The following CWC27 variants were observed in gnomAD, a reference collection of about 807,000 sequenced individuals.
CWC27 encodes the protein CWC27 spliceosome associated cyclophilin, also known as spliceosome-associated protein CWC27 homolog.
In CWC27, 47 loss-of-function variants were observed where a neutral mutation model predicts 63.6. The ratio of observed to expected loss-of-function variants is 0.74; its 90% CI spans 0.58 to 0.94. The LOEUF (loss-of-function observed/expected upper bound fraction) is 0.94, where lower values mean the gene tolerates loss of function less well. Ranked by LOEUF, CWC27 falls within the 40% of genes least tolerant of loss-of-function variation. The pLI is 0.00. For missense variants in CWC27, 495 were observed against 554.3 expected, an observed-to-expected ratio of 0.89 and a Z score of 1.07; for synonymous variants, 175 against 179.8, an observed-to-expected ratio of 0.97 and a Z score of 0.22.
intron 12 of CWC27, 68 bp from the exon 13 acceptor site, chr5:64,977,067 C>A: frequency 1.1e-6 from 1 of 927,042 alleles, no homozygotes; most frequent in Non-Finnish European, 1.6e-6. Context: ...TTCTACCAAA[C>A]TTAAGCATCT....
chr5:64,821,976 C>T (rs77708604), intron 10 of CWC27, among the ~76,000 whole-genome samples: 2,572 of 152,132 alleles, frequency 0.017, 69 homozygotes, highest in African/African-American at 0.06. Flanking sequence ...GCATGTCTGC[C>T]GGAATTGGTA....
chr5:65,013,260 C>T (rs964588662), intron 13 of CWC27, among the ~76,000 whole-genome samples: 1 of 152,178 alleles, frequency 6.6e-6, no homozygotes, highest in South Asian at 2.1e-4. Context: ...GAGCCTGAGA[C>T]TTTCTGCAGA....
At chr5:64,895,517 A>G (rs536080921) in intron 11 of CWC27, among the ~76,000 whole-genome samples, 1 of 152,284 alleles carries the variant, frequency 6.6e-6, no homozygotes, top group African/African-American at 2.4e-5. Flanking sequence ...TTTCCTGGAG[A>G]ATCCTACTTT....
rs1747045525 is a variant in CWC27 at position 64,885,464 on chromosome 5, A to C, written c.960A>C (p.Ala320=). The C allele has an allele frequency of 6.2e-7, 1 of 1,608,512 alleles. No homozygotes were observed. The highest frequency in any genetic ancestry group is 1.7e-5 in the Admixed American group (1 of 59,340). The part of the protein sequence containing the change: ...VSRSEELRKE[A]RQLKRELLAA... ...ATAGTGAAGAGCTCAGAAAAGAAGC[A>C]AGACAATTAAAACGGGAACTCTTAG... The change falls in exon 11 of 14, where the codon GCA becomes GCC. Residue 320 remains alanine (A), a synonymous_variant. Transcript: ENST00000381070.
At chr5:64,806,146 T>C (rs893411031) in intron 10 of CWC27, among the ~76,000 whole-genome samples, 1 of 136,510 alleles carries the variant, frequency 7.3e-6, no homozygotes, top group Admixed American at 6.9e-5. Flanking sequence ...TAGGAACATA[T>C]ATATCCACTT....
At chr5:64,825,501 A>G (rs902560875) in intron 10 of CWC27, among the ~76,000 whole-genome samples, 1 of 152,172 alleles carries the variant, frequency 6.6e-6, no homozygotes, top group Non-Finnish European at 1.5e-5. Context: ...GCTTGAAATC[A>G]TGTAGTTCTC....
At position 64,954,292 on chromosome 5, in the gene CWC27, CTTTG is replaced by C. The variant is rs1748763695; in HGVS notation, c.1043-17403_1043-17400del. Among the ~76,000 whole-genome samples the C allele has an allele frequency of 2.6e-5, 4 of 152,018 alleles. No individual in the cohort carries two copies. The South Asian group carries it at 8.3e-4, about 32-fold the overall frequency. ...CAACTACTTCCCTGATTTATTGTTC[CTTTG>C]TTTGTTTTTTGAGACAGGGTCTTGC... On this transcript the variant is annotated intron_variant, in intron 11 of 13. Coordinates refer to ENST00000381070, the MANE Select transcript of CWC27 (RefSeq NM_005869.4).
At chr5:64,800,473 A>G (rs1402267598) in intron 8 of CWC27, 146 bp downstream of exon 8, 2 of 557,140 alleles carry the variant, frequency 3.6e-6, no homozygotes, top group Non-Finnish European at 6.3e-6. Context: ...TAACAGAGAT[A>G]GAGAACTTCA....
chr5:64,935,127 T>G (rs1017992415), intron 11 of CWC27, among the ~76,000 whole-genome samples: 6 of 152,242 alleles, frequency 3.9e-5, no homozygotes, highest in African/African-American at 1.4e-4. Flanking sequence ...ATTTGTCAAT[T>G]TTGGCTTTCG....
At chr5:64,873,155 T>A (rs1166724773) in intron 10 of CWC27, among the ~76,000 whole-genome samples, 1 of 152,164 alleles carries the variant, frequency 6.6e-6, no homozygotes, top group Non-Finnish European at 1.5e-5. Flanking sequence ...ACAAAAGGAA[T>A]GCATAAGCTT....
At chr5:65,001,215 G>A (rs1749726454) in intron 13 of CWC27, among the ~76,000 whole-genome samples, 1 of 152,002 alleles carries the variant, frequency 6.6e-6, no homozygotes, top group Non-Finnish European at 1.5e-5. Flanking sequence ...CTCTAAAAGT[G>A]TTTTGTGGAG....
intron 11 of CWC27, among the ~76,000 whole-genome samples, chr5:64,960,280 G>T (rs1420142818): frequency 6.6e-6 from 1 of 151,604 alleles, no homozygotes; most frequent in Non-Finnish European, 1.5e-5. Flanking sequence ...TTTAGAGCCA[G>T]ACTACATAGG....
chr5:64,863,589 G>C (rs1321190555), intron 10 of CWC27, among the ~76,000 whole-genome samples: 1 of 151,924 alleles, frequency 6.6e-6, no homozygotes, highest in Non-Finnish European at 1.5e-5. Context: ...TGAACTCCTG[G>C]GCTCAAGTGA....
rs887836410 is a variant in CWC27, at chr5:65,018,409, G to A, written c.*88G>A. ...TTGTTCCCAACAGCATCACTTAGGG[G>A]TGTGAAAAGAAGTATTTTTGAACCT... is the stretch of plus-strand genomic sequence containing the variant. On this transcript the variant is annotated 3_prime_UTR_variant, in exon 14 of 14. Coordinates refer to ENST00000381070, the MANE Select transcript of CWC27 (RefSeq NM_005869.4). The A allele has an allele frequency of 1.5e-5, 17 of 1,140,942 alleles. No homozygotes were observed. The highest frequency in any genetic ancestry group is 2.1e-5 in the Non-Finnish European group (17 of 828,642). 70.7% of individuals were successfully genotyped at this position (1,140,942 alleles called of 1,614,324 possible). A position where few individuals can be genotyped will look rare whatever the true frequency, so the allele number is the denominator to read the frequency against.
At chr5:64,921,996 C>T (rs1448310161) in intron 11 of CWC27, among the ~76,000 whole-genome samples, 4 of 152,222 alleles carry the variant, frequency 2.6e-5, no homozygotes, top group South Asian at 2.1e-4. Flanking sequence ...CCAGTCACTT[C>T]TGGCCTGTAA....
intron 10 of CWC27, among the ~76,000 whole-genome samples, chr5:64,825,256 T>G (rs1453816715): frequency 6.6e-6 from 1 of 152,202 alleles, no homozygotes; most frequent in Admixed American, 6.5e-5. Flanking sequence ...ACCATGCTTA[T>G]AGTTTTGCAT....
intron 11 of CWC27, among the ~76,000 whole-genome samples, chr5:64,931,374 ATAT>A (rs1035958297): frequency 3.3e-5 from 5 of 151,972 alleles, no homozygotes; most frequent in African/African-American, 1.2e-4. Context: ...TGAGTTTTTA[ATAT>A]TATTCTTTAA....
intron 10 of CWC27, among the ~76,000 whole-genome samples, chr5:64,817,694 TG>T (rs1224002826): frequency 2.0e-5 from 3 of 152,178 alleles, no homozygotes; most frequent in African/African-American, 7.2e-5. Flanking sequence ...CCTAGCTTTT[TG>T]CTAGTTTTGA....
At chr5:64,774,473 C>A (rs17807123) in intron 1 of CWC27, among the ~76,000 whole-genome samples, 71 of 152,088 alleles carry the variant, frequency 4.7e-4, no homozygotes, top group African/African-American at 1.6e-3. Flanking sequence ...TCTTAAATCC[C>A]AAACTTTTTC....
Sources: gnomAD v4.1 joint callset for allele counts (sites outside exome capture counted in the v4.1 genomes callset) on GRCh38, gnomAD v4.1.1 for gene constraint, MANE v1.5 for transcripts, NCBI Gene and HGNC (gene_info 2026-07-23, HGNC 2026-07-21) for gene names.